The following COL7A1 variants were observed in gnomAD, a reference collection of about 807,000 sequenced individuals.
COL7A1 encodes the protein collagen type VII alpha 1 chain, also known as collagen alpha-1(VII) chain.
In COL7A1, 296 loss-of-function variants were observed where a neutral mutation model predicts 456.2. That is an observed-to-expected ratio of 0.65 (90% confidence interval 0.59 to 0.71). The LOEUF is 0.71. COL7A1 is among the 30% of genes least tolerant of loss of function. COL7A1 has a pLI of 0.00. For synonymous variants in COL7A1, 1,464 were observed against 1,525.9 expected (o/e 0.96, Z 0.95); for missense variants, 3,441 against 4,017.2 (o/e 0.86, Z 3.88).
chr3:48,573,006 AC>A lies in COL7A1; in HGVS notation c.6750+14del. On this transcript the variant is annotated intron_variant, in intron 86 of 118. Coordinates refer to ENST00000681320, the MANE Select transcript of COL7A1 (RefSeq NM_000094.4). The surrounding 1 kb of genome is among the most constrained non-coding windows in gnomAD (Gnocchi z 5.5). ...CTTGACCCCTGGAGCCCAACCCTTGACCCCCAGAACTCACCACTTGTCCAGG... is the reference window on the plus strand; with the variant it reads ...CTTGACCCCTGGAGCCCAACCCTTGACCCCAGAACTCACCACTTGTCCAGG... 6.2e-7 allele frequency: 1 copy of A among 1,613,530 alleles called. No individual in the cohort carries two copies. The highest frequency in any genetic ancestry group is 8.5e-7 in the Non-Finnish European group (1 of 1,179,870).
Position 48,591,061 on chromosome 3 carries a change from T to C in COL7A1, c.1637-245A>G, listed in dbSNP as rs150226889. 3.0e-3 allele frequency among the ~76,000 whole-genome samples: 455 copies of C among 152,192 alleles called. 3 individuals are homozygous for C. Among genetic ancestry groups the C allele is most frequent in the African/African-American group, 0.01 (430 of 41,512 alleles). On this transcript the variant is annotated intron_variant, in intron 13 of 118. Coordinates refer to ENST00000681320, the MANE Select transcript of COL7A1 (RefSeq NM_000094.4). This position sits in a 1 kb window ranked among gnomAD's most constrained non-coding sequence, Gnocchi z 7.0. ...GTCTGTGGGATCTTAGCATGTAGGA[T>C]GACAGGAGTCAGTGGACTGCAGTGA...
At chr3:48,589,124 G>A in intron 18 of COL7A1, 129 bp from the exon 19 acceptor site, 1 of 1,537,312 alleles carries the variant, frequency 6.5e-7, no homozygotes. Context: ...CAGCCCTGAG[G>A]AGGAGGAGGT....
intron 47 of COL7A1, 76 bp from the exon 48 acceptor site, chr3:48,582,019 T>A: frequency 6.3e-7 from 1 of 1,597,122 alleles, no homozygotes; most frequent in East Asian, 2.2e-5. Context: ...GGAATGGAGG[T>A]CACATGGAAT....
chr3:48,566,255 G>A lies in COL7A1; in HGVS notation c.8407+12C>T, dbSNP rs2107630301. 6.3e-7 allele frequency: 1 copy of A among 1,595,896 alleles called. No homozygotes were observed. The highest frequency in any genetic ancestry group is 8.5e-7 in the Non-Finnish European group (1 of 1,172,458). ...GGGTGGAGTGGGAGACTGCGGGCTG[G>A]GCACCACTCACCACAGTGCTGACTC... On this transcript the variant is annotated intron_variant, in intron 114 of 118. Transcript: ENST00000681320. The surrounding 1 kb of genome is among the most constrained non-coding windows in gnomAD (Gnocchi z 5.9).
rs763298017 is a variant in COL7A1, at chr3:48,574,321, T to A, written c.6457-15A>T. On this transcript the variant is annotated splice_polypyrimidine_tract_variant and intron_variant, in intron 79 of 118. Coordinates refer to ENST00000681320, the MANE Select transcript of COL7A1 (RefSeq NM_000094.4). This position sits in a 1 kb window ranked among gnomAD's most constrained non-coding sequence, Gnocchi z 5.0. Reference sequence around the variant, plus strand: ...CCTGGTAGACCCTGCAGAGAATAGGTTTAAGGCCTTAGTTTCCCAGTTCCA... The same window carrying A: ...CCTGGTAGACCCTGCAGAGAATAGGATTAAGGCCTTAGTTTCCCAGTTCCA... The A allele has an allele frequency of 1.9e-6, 3 of 1,613,808 alleles. No individual in the cohort carries two copies. Among genetic ancestry groups the A allele is most frequent in the African/African-American group, 2.7e-5 (2 of 74,830 alleles).
rs1479037175 is a variant in COL7A1, at chr3:48,564,544, G to C, written c.8819-122C>G. The stretch of plus-strand genomic sequence containing the variant: ...ACAGGAAGTGGGGGCTCTGACCTCA[G>C]AGGGGTCCATACTTAGGTCTTTAAA... On this transcript the variant is annotated intron_variant, in intron 118 of 118. Coordinates refer to ENST00000681320, the MANE Select transcript of COL7A1 (RefSeq NM_000094.4). This position sits in a 1 kb window ranked among gnomAD's most constrained non-coding sequence, Gnocchi z 6.0. 8 of 1,248,930 alleles carry C rather than the reference G, an allele frequency of 6.4e-6. No homozygotes were observed. The highest frequency in any genetic ancestry group is 8.1e-6 in the Non-Finnish European group (7 of 869,140). 77.4% of individuals were successfully genotyped at this position (1,248,930 alleles called of 1,614,324 possible).
Position 48,576,902 on chromosome 3 carries a change from T to G in COL7A1, c.5586A>C (p.Ser1862=). 1 of 1,614,048 alleles carries G rather than the reference T, an allele frequency of 6.2e-7. No homozygotes were observed. ...EDGRKGEKGD[S]GASGREGRDG... is the part of the protein sequence containing the mutation. ...TACTCACTTCTCTCCCAGAGGCGCCTGAATCTCCTTTCTCTCCCTAAGGAA... is the reference window on the plus strand; with the variant it reads ...TACTCACTTCTCTCCCAGAGGCGCCGGAATCTCCTTTCTCTCCCTAAGGAA... Residue 1862 remains serine, a synonymous_variant, in exon 67 of 119, where the codon TCA becomes TCC. Transcript: ENST00000681320.
Position 48,591,873 on chromosome 3 carries a change from T to G in COL7A1, c.1357+25A>C. ...CAGAGGCCATGCCCTGACCCTTGCC[T>G]GTCCATCCCTTCCCCCGCACTGACC... is the stretch of plus-strand genomic sequence containing the variant. On this transcript the variant is annotated intron_variant, in intron 11 of 118. Transcript: ENST00000681320. The surrounding 1 kb of genome is among the most constrained non-coding windows in gnomAD (Gnocchi z 7.0). 2 of 1,614,202 alleles carry G rather than the reference T, an allele frequency of 1.2e-6. No homozygotes were observed. Among genetic ancestry groups the G allele is most frequent in the Non-Finnish European group, 1.7e-6 (2 of 1,180,018 alleles).
rs1263731651 is a variant in COL7A1, at chr3:48,568,277, G to A, written c.7795-107C>T. 5.3e-6 allele frequency: 7 copies of A among 1,330,986 alleles called. No individual in the cohort carries two copies. The Admixed American group carries it at 7.2e-5, about 14-fold the overall frequency. The allele number at this position is 1,330,986 out of a possible 1,614,324, so 82.4% of individuals were successfully genotyped here. On this transcript the variant is annotated intron_variant, in intron 105 of 118. Transcript: ENST00000681320. The surrounding 1 kb of genome is among the most constrained non-coding windows in gnomAD (Gnocchi z 5.2). ...CACCATGGGGTGGGAGTCACCTCTG[G>A]AGGCCAGAGCCACTGGGGCTTGCCA...
Position 48,567,682 on chromosome 3 carries a change from C to T in COL7A1, c.7983+28G>A, listed in dbSNP as rs749808049. 1.8e-5 allele frequency: 29 copies of T among 1,613,988 alleles called. No homozygotes were observed. The East Asian group carries it at 4.7e-4, about 26-fold the overall frequency. On this transcript the variant is annotated intron_variant, in intron 108 of 118. Coordinates refer to ENST00000681320, the MANE Select transcript of COL7A1 (RefSeq NM_000094.4). The surrounding 1 kb of genome is among the most constrained non-coding windows in gnomAD (Gnocchi z 4.3). The stretch of plus-strand genomic sequence containing the variant: ...ACTTGGCCCCCGTCCACCCGTGGCC[C>T]CCTCATTCTGAGCGTGCCCACACTC...
Position 48,591,469 on chromosome 3 carries a change from G to C in COL7A1, c.1631C>G (p.Thr544Ser), listed in dbSNP as rs763775614. The C allele has an allele frequency of 1.2e-6, 2 of 1,613,684 alleles. No individual in the cohort carries two copies. The highest frequency in any genetic ancestry group is 8.5e-7 in the Non-Finnish European group (1 of 1,179,872). ...ATQYRIIVRS[T>S]QGVERTLVLP... The stretch of plus-strand genomic sequence containing the variant: ...GCTGGCTGCGTCCACCTCACCCTGG[G>C]TGCTGCGCACAATGATGCGGTACTG... Residue 544 changes from threonine to serine, a missense_variant, in exon 13 of 119, where the codon ACC (threonine) becomes AGC (serine). By Grantham distance (58) the Thr-to-Ser change is moderately conservative (BLOSUM62 1). Coordinates refer to ENST00000681320, the MANE Select transcript of COL7A1 (RefSeq NM_000094.4). The surrounding 1 kb of genome is among the most constrained non-coding windows in gnomAD (Gnocchi z 7.0).
rs1560196905 is a variant in COL7A1 at position 48,568,000 on chromosome 3, C to T, written c.7875+90G>A. 3.1e-6 allele frequency: 5 copies of T among 1,600,090 alleles called. No homozygotes were observed. The highest frequency in any genetic ancestry group is 3.4e-6 in the Non-Finnish European group (4 of 1,167,534). ...AGGCCTCAGCTACTCCAACCTCTGA[C>T]CCAGTGCCCTAATATCTGACCCCAG... On this transcript the variant is annotated intron_variant, in intron 106 of 118. Coordinates refer to ENST00000681320, the MANE Select transcript of COL7A1 (RefSeq NM_000094.4). The surrounding 1 kb of genome is among the most constrained non-coding windows in gnomAD (Gnocchi z 4.3).
rs2044151305 is a variant in COL7A1, at chr3:48,574,462, T to G, written c.6456+26A>C. 3 of 1,613,964 alleles carry G rather than the reference T, an allele frequency of 1.9e-6. No homozygotes were observed. The highest frequency in any genetic ancestry group is 2.7e-5 in the African/African-American group (2 of 74,922). ...CATGTGAGAGCCACCTTCTTGCACA[T>G]GTGTGGCTGTTGGGCAAGGACTTAC... On this transcript the variant is annotated intron_variant, in intron 79 of 118. Coordinates refer to ENST00000681320, the MANE Select transcript of COL7A1 (RefSeq NM_000094.4). This position sits in a 1 kb window ranked among gnomAD's most constrained non-coding sequence, Gnocchi z 5.0.
rs971052060 is a variant in COL7A1, at chr3:48,588,161, C to T, written c.2710+121G>A. 1.3e-5 allele frequency: 20 copies of T among 1,496,588 alleles called. No homozygotes were observed. The highest frequency in any genetic ancestry group is 1.8e-4 in the Middle Eastern group (1 of 5,656). The allele number at this position is 1,496,588 out of a possible 1,614,324, so 92.7% of individuals were successfully genotyped here. On this transcript the variant is annotated intron_variant, in intron 21 of 118. Coordinates refer to ENST00000681320, the MANE Select transcript of COL7A1 (RefSeq NM_000094.4). The surrounding 1 kb of genome is among the most constrained non-coding windows in gnomAD (Gnocchi z 4.6). ...CATTGATTGATCTTACCTACTGTCA[C>T]GGATCCCGCAGACCCCCAGTGACAG...
Position 48,567,840 on chromosome 3 carries a change from T to C in COL7A1, c.7927A>G (p.Lys2643Glu), listed in dbSNP as rs758345759. Residue 2643 changes from lysine (K) to glutamate (E), a missense_variant and splice_region_variant, in exon 107 of 119, where the codon AAG becomes GAG. By Grantham distance (56) the Lys-to-Glu change is moderately conservative (BLOSUM62 1). Around this residue, in one of 3 missense-constraint regions of COL7A1, gnomAD observed 2,084 missense variants for 2,501.3 expected, o/e 0.83. Transcript: ENST00000681320. This position sits in a 1 kb window ranked among gnomAD's most constrained non-coding sequence, Gnocchi z 4.3. ...ACGLDGEKGD[K>E]GEAGPPGRPG... ...CCCAGCCCCCATCCCCTCTGTACCTTGTCTCCCTTCTCTCCATCAAGGCCA... is the reference window on the plus strand; with the variant it reads ...CCCAGCCCCCATCCCCTCTGTACCTCGTCTCCCTTCTCTCCATCAAGGCCA... 20 of 1,613,980 alleles carry C rather than the reference T, an allele frequency of 1.2e-5. No individual in the cohort carries two copies. Among genetic ancestry groups the C allele is most frequent in the Non-Finnish European group, 1.5e-5 (18 of 1,180,014 alleles).
At position 48,590,853 on chromosome 3, in the gene COL7A1, A is replaced by C; in HGVS notation, c.1637-37T>G. The C allele has an allele frequency of 6.2e-7, 1 of 1,608,400 alleles. No individual in the cohort carries two copies. The highest frequency in any genetic ancestry group is 8.5e-7 in the Non-Finnish European group (1 of 1,179,322). On this transcript the variant is annotated intron_variant, in intron 13 of 118. Coordinates refer to ENST00000681320, the MANE Select transcript of COL7A1 (RefSeq NM_000094.4). The surrounding 1 kb of genome is among the most constrained non-coding windows in gnomAD (Gnocchi z 4.6). ...GTCAGGGTAGGTGGGCAGGGGTCAG[A>C]AAGAGACAGGGATGTGGGACGATGG...
At position 48,593,489 on chromosome 3, in the gene COL7A1, C is replaced by T; in HGVS notation, c.427-40G>A. 2 of 1,614,070 alleles carry T rather than the reference C, an allele frequency of 1.2e-6. No homozygotes were observed. The highest frequency in any genetic ancestry group is 1.1e-5 in the South Asian group (1 of 91,080). On this transcript the variant is annotated intron_variant, in intron 4 of 118. Coordinates refer to ENST00000681320, the MANE Select transcript of COL7A1 (RefSeq NM_000094.4). The surrounding 1 kb of genome is among the most constrained non-coding windows in gnomAD (Gnocchi z 4.4). ...GGGGTCAAATCACGGTTCCCCTGGA[C>T]ACTTCATTTGGGGTCATCTTGGGAG...
In COL7A1 at chr3:48,590,870, G is replaced by A. The variant is rs1056254661; in HGVS notation, c.1637-54C>T. 7.5e-6 allele frequency: 12 copies of A among 1,596,902 alleles called. No homozygotes were observed. In the African/African-American group the frequency reaches 1.5e-4, roughly 20 times the overall value. ...GGGGTCAGAAAGAGACAGGGATGTG[G>A]GACGATGGCAGTGATGGACAGGGAC... On this transcript the variant is annotated intron_variant, in intron 13 of 118. Transcript: ENST00000681320. The surrounding 1 kb of genome is among the most constrained non-coding windows in gnomAD (Gnocchi z 4.6).
Position 48,566,431 on chromosome 3 carries a change from G to T in COL7A1, c.8358+79C>A. 2 of 1,609,722 alleles carry T rather than the reference G, an allele frequency of 1.2e-6. No homozygotes were observed. Among genetic ancestry groups the T allele is most frequent in the Non-Finnish European group, 1.7e-6 (2 of 1,176,790 alleles). ...ATGGAGCCAGGGCCCAGGGGTCAGGGTGCTGGGTGAGGGAGGTAGGGCCCC... is the reference window on the plus strand; with the variant it reads ...ATGGAGCCAGGGCCCAGGGGTCAGGTTGCTGGGTGAGGGAGGTAGGGCCCC... On this transcript the variant is annotated intron_variant, in intron 113 of 118. Coordinates refer to ENST00000681320, the MANE Select transcript of COL7A1 (RefSeq NM_000094.4). This position sits in a 1 kb window ranked among gnomAD's most constrained non-coding sequence, Gnocchi z 5.9.
Sources: allele counts gnomAD v4.1 joint callset (sites outside exome capture counted in the v4.1 genomes callset), GRCh38; gene constraint gnomAD v4.1.1; regional missense constraint gnomAD v4.1.1; non-coding constraint Gnocchi (gnomAD v3.1); transcripts MANE v1.5; gene names NCBI Gene and HGNC (gene_info 2026-07-23, HGNC 2026-07-21).